The following UMAD1 variants were observed in gnomAD, a reference collection of about 807,000 sequenced individuals.
UMAD1 encodes UBAP1-MVB12-associated (UMA) domain containing 1, also known as UBAP1-MVB12-associated (UMA)-domain containing protein 1.
Under a neutral mutation model 6.1 loss-of-function variants are expected in UMAD1, and 8 were observed. That is an observed-to-expected ratio of 1.30 (90% CI 0.76 to 2.35). UMAD1 has a LOEUF of 2.35. Ranked by LOEUF, UMAD1 falls within the 30% of genes most tolerant of loss-of-function variation. The pLI is 0.00. For synonymous variants in UMAD1, 56 were observed against 31.4 expected (o/e 1.78, Z -2.61); for missense variants, 130 against 78.4 (o/e 1.66, Z -2.49).
chr7:7,676,369 G>A (rs1779739348), intron 2 of UMAD1, among the ~76,000 whole-genome samples: 1 of 152,286 alleles, frequency 6.6e-6, no homozygotes, highest in African/African-American at 2.4e-5. Flanking sequence ...CCATACACAG[G>A]CTAGGATTTA....
chr7:7,845,017 T>G (rs1200835039), intron 3 of UMAD1, among the ~76,000 whole-genome samples: 1 of 152,150 alleles, frequency 6.6e-6, no homozygotes, highest in East Asian at 1.9e-4. Context: ...TATTACATAA[T>G]AGACTTCTAG....
intron 2 of UMAD1, among the ~76,000 whole-genome samples, chr7:7,720,441 CT>C (rs568603703): frequency 1.0e-3 from 155 of 152,180 alleles, no homozygotes; most frequent in African/African-American, 3.6e-3. Context: ...ATTTCCCCCC[CT>C]AACTTACTCT....
intron 2 of UMAD1, among the ~76,000 whole-genome samples, chr7:7,726,002 C>G (rs751308683): frequency 1.3e-5 from 2 of 152,172 alleles, no homozygotes; most frequent in African/African-American, 4.8e-5. Flanking sequence ...AGCATTGCAC[C>G]TGGTTGTGCA....
intron 2 of UMAD1, among the ~76,000 whole-genome samples, chr7:7,728,562 T>G (rs1781188254): frequency 6.6e-6 from 1 of 151,526 alleles, no homozygotes; most frequent in Non-Finnish European, 1.5e-5. Flanking sequence ...GAGAATCACT[T>G]GAACCCGGGA....
chr7:7,673,257 A>G, intron 1 of UMAD1, 52 bp from the exon 2 acceptor site: 1 of 1,030,926 alleles, frequency 9.7e-7, no homozygotes, highest in African/African-American at 1.6e-5. Flanking sequence ...AAAAAGGGTA[A>G]GAGTTTTACA....
intron 3 of UMAD1, among the ~76,000 whole-genome samples, chr7:7,844,323 C>A (rs1336251251): frequency 6.6e-6 from 1 of 152,082 alleles, no homozygotes; most frequent in Non-Finnish European, 1.5e-5. Flanking sequence ...TCAACAGCCT[C>A]TTTGCCGCAG....
intron 3 of UMAD1, among the ~76,000 whole-genome samples, chr7:7,873,140 A>G (rs143264852): frequency 6.6e-6 from 1 of 152,338 alleles, no homozygotes; most frequent in East Asian, 1.9e-4. Flanking sequence ...TCAATCTCAT[A>G]ATACAGCTAA....
At chr7:7,725,096 G>A (rs1344978626) in intron 2 of UMAD1, among the ~76,000 whole-genome samples, 1 of 152,170 alleles carries the variant, frequency 6.6e-6, no homozygotes, top group Non-Finnish European at 1.5e-5. Flanking sequence ...AAATTTCTAG[G>A]CGTCCAGTGG....
chr7:7,724,685 C>T (rs1052532458), intron 2 of UMAD1, among the ~76,000 whole-genome samples: 1 of 152,174 alleles, frequency 6.6e-6, no homozygotes, highest in Non-Finnish European at 1.5e-5. Flanking sequence ...GTAAGCTTAA[C>T]CAAGTGGTGA....
chr7:7,822,179 G>A (rs73055844), intron 3 of UMAD1, among the ~76,000 whole-genome samples: 15,891 of 151,932 alleles, frequency 0.1, 913 homozygotes, highest in East Asian at 0.21. Flanking sequence ...AATTTTTGAT[G>A]TATGTATTGT....
chr7:7,715,700 A>G (rs1215433434), intron 2 of UMAD1, among the ~76,000 whole-genome samples: 1 of 152,230 alleles, frequency 6.6e-6, no homozygotes, highest in African/African-American at 2.4e-5. Flanking sequence ...TAGTTTTACC[A>G]TTGAATGTAA....
intron 1 of UMAD1, among the ~76,000 whole-genome samples, chr7:7,654,759 C>T (rs1232531185): frequency 6.6e-6 from 1 of 151,968 alleles, no homozygotes; most frequent in Non-Finnish European, 1.5e-5. Context: ...CAAAAATTAG[C>T]CAGGTGTGGT....
chr7:7,716,035 A>G (rs1413529480), intron 2 of UMAD1, among the ~76,000 whole-genome samples: 1 of 152,252 alleles, frequency 6.6e-6, no homozygotes, highest in African/African-American at 2.4e-5. Flanking sequence ...AGAAACTAAT[A>G]TATGTCAGGC....
At chr7:7,712,548 T>C (rs998080856) in intron 2 of UMAD1, among the ~76,000 whole-genome samples, 4 of 152,210 alleles carry the variant, frequency 2.6e-5, no homozygotes, top group Admixed American at 2.6e-4. Flanking sequence ...AGCAACCATC[T>C]TGATAAAATA....
intron 2 of UMAD1, among the ~76,000 whole-genome samples, chr7:7,720,621 A>G (rs1781028311): frequency 6.6e-6 from 1 of 152,222 alleles, no homozygotes. Flanking sequence ...GGTAATTATA[A>G]AAAGACTTTT....
At chr7:7,646,154 C>A (rs1402721966) in intron 1 of UMAD1, among the ~76,000 whole-genome samples, 1 of 152,190 alleles carries the variant, frequency 6.6e-6, no homozygotes, top group Non-Finnish European at 1.5e-5. Context: ...GTCAGTGTGA[C>A]AGCCTTTTTG....
At chr7:7,811,090 T>C (rs1426375665) in intron 3 of UMAD1, among the ~76,000 whole-genome samples, 1 of 152,158 alleles carries the variant, frequency 6.6e-6, no homozygotes, top group African/African-American at 2.4e-5. Context: ...CCCGCAAAAG[T>C]GTATGGGTTA....
intron 3 of UMAD1, among the ~76,000 whole-genome samples, chr7:7,835,182 C>T (rs1320493940): frequency 2.0e-5 from 3 of 152,026 alleles, no homozygotes; most frequent in African/African-American, 7.3e-5. Flanking sequence ...ATTAGTCACT[C>T]ATCATTGTAA....
chr7:7,837,315 C>T (rs766309569), intron 3 of UMAD1, among the ~76,000 whole-genome samples: 5 of 151,942 alleles, frequency 3.3e-5, no homozygotes, highest in Middle Eastern at 3.2e-3. Context: ...AAGTGATGTA[C>T]GTCAGGCTGA....
Sources: gnomAD v4.1 joint callset for allele counts (sites outside exome capture counted in the v4.1 genomes callset) on GRCh38, gnomAD v4.1.1 for gene constraint, MANE v1.5 for transcripts, NCBI Gene and HGNC (gene_info 2026-07-23, HGNC 2026-07-21) for gene names.